MAD2L2: variants seen among roughly 807,000 people sequenced by gnomAD.
MAD2L2 encodes mitotic arrest deficient 2 like 2.
Under a neutral mutation model 30.5 loss-of-function variants are expected in MAD2L2, and 17 were observed. The observed-to-expected ratio is 0.56, with a 90% confidence interval of 0.38 to 0.84. The LOEUF is 0.84. MAD2L2 is among the 40% of genes least tolerant of loss of function. The probability of loss-of-function intolerance (pLI) is 0.00; values close to 1 mark genes in which losing one functional copy is unlikely to be tolerated. For synonymous variants in MAD2L2, 101 were observed against 113.9 expected (o/e 0.89, Z 0.72); for missense variants, 213 against 277.4 (o/e 0.77, Z 1.65).
At chr1:11,689,274 C>T (rs1339108369) in intron 1 of MAD2L2, among the ~76,000 whole-genome samples, 2 of 82,406 alleles carry the variant, frequency 2.4e-5, no homozygotes, top group Admixed American at 2.0e-4. Flanking sequence ...GCCTGGGCAA[C>T]AAAGTGAGAC....
intron 4 of MAD2L2, 39 bp downstream of exon 4, chr1:11,677,504 C>T: frequency 6.3e-7 from 1 of 1,591,816 alleles, no homozygotes; most frequent in Non-Finnish European, 8.6e-7. Flanking sequence ...CGGGGGTGAG[C>T]ATGGGGTGAG....
At chr1:11,675,820 A>G (rs2233022) in intron 6 of MAD2L2, 89 bp from the exon 7 acceptor site, 217,442 of 1,157,288 alleles carry the variant, frequency 0.19, 22,045 homozygotes, top group Admixed American at 0.26. Flanking sequence ...TTGCTGGCTC[A>G]GCAGCACCCC....
At chr1:11,689,292 CAAAAAAAAAAA>C (rs70983584) in intron 1 of MAD2L2, among the ~76,000 whole-genome samples, 2 of 67,986 alleles carry the variant, frequency 2.9e-5, no homozygotes, top group Non-Finnish European at 5.2e-5. Flanking sequence ...GACTCTGTCT[CAAAAAAAAAAA>C]AAAAAAAAAA....
chr1:11,691,225 G>T (rs1641058029), intron 1 of MAD2L2, among the ~76,000 whole-genome samples: 2 of 152,118 alleles, frequency 1.3e-5, no homozygotes, highest in Non-Finnish European at 1.5e-5. Context: ...GTGGCCCCGG[G>T]CCCCTGCCCT....
In MAD2L2 at chr1:11,674,926, G is replaced by T; in HGVS notation, c.595-110C>A. 1.4e-6 allele frequency: 2 copies of T among 1,392,800 alleles called. No individual in the cohort carries two copies. Among genetic ancestry groups the T allele is most frequent in the Non-Finnish European group, 2.0e-6 (2 of 986,428 alleles). 86.3% of individuals were successfully genotyped at this position (1,392,800 alleles called of 1,614,324 possible). A position where few individuals can be genotyped will look rare whatever the true frequency, so the allele number is the denominator to read the frequency against. On this transcript the variant is annotated intron_variant, in intron 8 of 8. Coordinates refer to ENST00000376692, the MANE Select transcript of MAD2L2 (RefSeq NM_006341.4). This position sits in a 1 kb window ranked among gnomAD's most constrained non-coding sequence, Gnocchi z 6.1. ...CCTCCACCACAGGTGGGGCCTCGTG[G>T]CCATAGCCATGGTGGAGAAGAGTAG...
Position 11,680,562 on chromosome 1 carries a change from C to T in MAD2L2, c.40G>A (p.Val14Met). The T allele has an allele frequency of 6.2e-7, 1 of 1,603,144 alleles. No individual in the cohort carries two copies. The highest frequency in any genetic ancestry group is 2.2e-5 in the East Asian group (1 of 44,582). ...LTRQDLNFGQVVADVLCEFLE... is the reference protein window; with the variant it reads ...LTRQDLNFGQMVADVLCEFLE... The stretch of plus-strand genomic sequence containing the variant: ...GGGCCCGCAGGTCCAGCCTCCCTAC[C>T]TTGGCCAAAGTTGAGGTCTTGTCGT... Residue 14 changes from valine (V) to methionine (M), a missense_variant and splice_region_variant, in exon 2 of 9, where the codon GTG (valine) becomes ATG (methionine). Val to Met is a conservative substitution (Grantham distance 21, BLOSUM62 1). Transcript: ENST00000376692.
chr1:11,689,899 G>C (rs1189130603), intron 1 of MAD2L2, among the ~76,000 whole-genome samples: 2 of 151,812 alleles, frequency 1.3e-5, no homozygotes, highest in Admixed American at 1.3e-4. Flanking sequence ...CTCTGTTCCA[G>C]ACTGACTCTT....
intron 3 of MAD2L2, among the ~76,000 whole-genome samples, chr1:11,678,226 C>G (rs1448202402): frequency 6.6e-6 from 1 of 151,940 alleles, no homozygotes; most frequent in Non-Finnish European, 1.5e-5. Flanking sequence ...ACCAGCCTGG[C>G]CAAAATGGCA....
At position 11,676,028 on chromosome 1, in the gene MAD2L2, G is replaced by A. The variant is rs371504576; in HGVS notation, c.427+18C>T. ...CCATGGAAATGCCAAGGGAAGAGAGGGTGGGGAGTGGACACACCTGGGGGG... is the reference window on the plus strand; with the variant it reads ...CCATGGAAATGCCAAGGGAAGAGAGAGTGGGGAGTGGACACACCTGGGGGG... On this transcript the variant is annotated intron_variant, in intron 6 of 8. Coordinates refer to ENST00000376692, the MANE Select transcript of MAD2L2 (RefSeq NM_006341.4). The A allele has an allele frequency of 3.1e-6, 5 of 1,602,810 alleles. No individual in the cohort carries two copies. Among genetic ancestry groups the A allele is most frequent in the East Asian group, 2.2e-5 (1 of 44,812 alleles).
intron 3 of MAD2L2, among the ~76,000 whole-genome samples, chr1:11,677,983 GGAGGCGGAGGTTGCAGT>G (rs1640800182): frequency 6.6e-6 from 1 of 151,644 alleles, no homozygotes; most frequent in African/African-American, 2.4e-5. Flanking sequence ...CTTGAACCCG[GGAGGCGGAGGTTGCAGT>G]GAGCCGAGAT....
chr1:11,681,547 CGG>C (rs1344479286), upstream of MAD2L2: 1 of 152,152 alleles, frequency 6.6e-6, no homozygotes, highest in Non-Finnish European at 1.5e-5. Flanking sequence ...TCCTCTGGCT[CGG>C]GGGCGGGAAC....
At chr1:11,682,307 C>G (rs1181873655), upstream of MAD2L2, among the ~76,000 whole-genome samples, 4 of 152,178 alleles carry the variant, frequency 2.6e-5, no homozygotes, top group Non-Finnish European at 5.9e-5. Context: ...TAGTGGGCAA[C>G]AAGTCAGGAC....
upstream of MAD2L2, among the ~76,000 whole-genome samples, chr1:11,684,300 G>A (rs1273143363): frequency 6.6e-6 from 1 of 152,174 alleles, no homozygotes; most frequent in Non-Finnish European, 1.5e-5. Flanking sequence ...GATGGTTGTG[G>A]GATCCAGATT....
In MAD2L2 at chr1:11,680,490, C is replaced by A. The variant is rs368554902; in HGVS notation, c.41-19G>T. On this transcript the variant is annotated intron_variant, in intron 2 of 8. Coordinates refer to ENST00000376692, the MANE Select transcript of MAD2L2 (RefSeq NM_006341.4). Reference sequence around the variant, plus strand: ...GCCACCACTGCAGGGGGGCACAAGCCGGTGGCGCGCTCGAGGAAGCCCGCC... The same window carrying A: ...GCCACCACTGCAGGGGGGCACAAGCAGGTGGCGCGCTCGAGGAAGCCCGCC... 7 of 1,612,046 alleles carry A rather than the reference C, an allele frequency of 4.3e-6. No homozygotes were observed. The African/African-American group carries it at 8.0e-5, about 18-fold the overall frequency.
chr1:11,676,223 A>ACCC, intron 5 of MAD2L2, 83 bp from the exon 6 acceptor site: 1 of 845,406 alleles, frequency 1.2e-6, no homozygotes, highest in Non-Finnish European at 1.9e-6. Flanking sequence ...GACCTGGGGT[A>ACCC]CAAGACCCCC....
rs899964579 is a variant in MAD2L2 at position 11,674,579 on chromosome 1, A to G, written c.*196T>C. 1 of 589,094 alleles carries G rather than the reference A, an allele frequency of 1.7e-6. No homozygotes were observed. The highest frequency in any genetic ancestry group is 3.0e-6 in the Non-Finnish European group (1 of 329,430). 36.5% of individuals were successfully genotyped at this position (589,094 alleles called of 1,614,324 possible). On this transcript the variant is annotated 3_prime_UTR_variant, in exon 9 of 9. Coordinates refer to ENST00000376692, the MANE Select transcript of MAD2L2 (RefSeq NM_006341.4). The surrounding 1 kb of genome is among the most constrained non-coding windows in gnomAD (Gnocchi z 6.1). ...GGAACCCCAGGAGGCTGAGAAGTCG[A>G]GGTTGCGGCATCCCTCACTGCCCTC...
chr1:11,679,896 G>A (rs1051718981), intron 3 of MAD2L2, among the ~76,000 whole-genome samples: 1 of 151,912 alleles, frequency 6.6e-6, no homozygotes, highest in African/African-American at 2.4e-5. Flanking sequence ...CTGAGGGGTG[G>A]GTAGGCATCA....
chr1:11,685,105 T>A (rs1446921909), upstream of MAD2L2, among the ~76,000 whole-genome samples: 5 of 151,904 alleles, frequency 3.3e-5, no homozygotes, highest in African/African-American at 1.2e-4. Flanking sequence ...TTTTTCAAAT[T>A]TTTTGCAGAG....
chr1:11,689,820 G>C (rs977267332), intron 1 of MAD2L2, among the ~76,000 whole-genome samples: 1 of 151,902 alleles, frequency 6.6e-6, no homozygotes, highest in African/African-American at 2.4e-5. Flanking sequence ...CCTCTCCTGA[G>C]GTCTGGGTCA....
Sources: allele counts gnomAD v4.1 joint callset (sites outside exome capture counted in the v4.1 genomes callset), GRCh38; gene constraint gnomAD v4.1.1; non-coding constraint Gnocchi (gnomAD v3.1); transcripts MANE v1.5; gene names NCBI Gene and HGNC (gene_info 2026-07-23, HGNC 2026-07-21).